Variants in PRR16 observed in about 807,000 individuals in gnomAD.
The protein encoded by PRR16 is proline rich 16, also known as protein Largen.
A neutral mutation model predicts 18.2 loss-of-function variants in PRR16; 6 were observed. The ratio of observed to expected loss-of-function variants is 0.33; its 90% CI spans 0.18 to 0.65. PRR16 has a LOEUF of 0.65. Among genes scored for constraint, PRR16 ranks in the 30% least tolerant of loss-of-function variants. The pLI, the probability that PRR16 is intolerant of heterozygous loss-of-function variation, is 0.74. For missense variants in PRR16, 412 were observed against 376.6 expected, an observed-to-expected ratio of 1.09 and a Z score of -0.78; for synonymous variants, 151 against 147.8, an observed-to-expected ratio of 1.02 and a Z score of -0.16.
chr5:120,773,814 GAA>G, the PRR16 span, among the ~76,000 whole-genome samples: 1 of 151,994 alleles, frequency 6.6e-6, no homozygotes, highest in Non-Finnish European at 1.5e-5. Context: ...GAAGTACAAA[GAA>G]ATATAAATTA....
At chr5:120,495,527 A>C (rs1042414607) in intron 1 of PRR16, among the ~76,000 whole-genome samples, 2 of 152,140 alleles carry the variant, frequency 1.3e-5, no homozygotes, top group African/African-American at 4.8e-5. Context: ...AGTGCTCAGC[A>C]CATGGAAAAT....
intron 1 of PRR16, among the ~76,000 whole-genome samples, chr5:120,465,383 G>C (rs2112791275): frequency 6.6e-6 from 1 of 152,348 alleles, no homozygotes; most frequent in East Asian, 1.9e-4. Context: ...GGACGCGCAG[G>C]AGAGTGTATG....
At chr5:120,520,573 C>T (rs539939950) in intron 1 of PRR16, among the ~76,000 whole-genome samples, 4 of 152,160 alleles carry the variant, frequency 2.6e-5, no homozygotes, top group African/African-American at 7.2e-5. Flanking sequence ...ATGATGGTTC[C>T]GTATTTTAAC....
chr5:120,498,828 A>G (rs1310283852), intron 1 of PRR16, among the ~76,000 whole-genome samples: 1 of 152,028 alleles, frequency 6.6e-6, no homozygotes, highest in African/African-American at 2.4e-5. Context: ...TTCTCTTAGC[A>G]TTTAAAAATG....
intron 1 of PRR16, among the ~76,000 whole-genome samples, chr5:120,615,833 G>T (rs1407847009): frequency 6.6e-6 from 1 of 152,000 alleles, no homozygotes; most frequent in Admixed American, 6.6e-5. Flanking sequence ...TCATTGTCAC[G>T]TTCCCAGTAA....
At chr5:120,601,103 T>G (rs1753967880) in intron 1 of PRR16, among the ~76,000 whole-genome samples, 1 of 151,990 alleles carries the variant, frequency 6.6e-6, no homozygotes, top group Non-Finnish European at 1.5e-5. Context: ...ATGGGATTGC[T>G]GGGTCAAAAT....
chr5:120,583,155 C>G (rs75322892), intron 1 of PRR16, among the ~76,000 whole-genome samples: 8,492 of 152,268 alleles, frequency 0.056, 311 homozygotes, highest in South Asian at 0.081. Flanking sequence ...TCATTTTGTC[C>G]TTTACACACT....
At chr5:120,766,535 G>A in the PRR16 span, among the ~76,000 whole-genome samples, 26 of 151,702 alleles carry the variant, frequency 1.7e-4, 1 homozygote, top group Non-Finnish European at 2.9e-5. Context: ...TGTGGGTTAT[G>A]TTTTCATTAT....
chr5:120,488,564 G>T (rs575765211), intron 1 of PRR16, among the ~76,000 whole-genome samples: 1 of 151,888 alleles, frequency 6.6e-6, no homozygotes, highest in Non-Finnish European at 1.5e-5. Flanking sequence ...CCTTGCTAGC[G>T]GTCTATCAAT....
At chr5:120,652,626 A>G (rs2150132633) in intron 1 of PRR16, among the ~76,000 whole-genome samples, 1 of 152,146 alleles carries the variant, frequency 6.6e-6, no homozygotes, top group African/African-American at 2.4e-5. Context: ...ATGACATTCA[A>G]CAAAATGCCT....
At chr5:120,576,143 C>G (rs1373073487) in intron 1 of PRR16, among the ~76,000 whole-genome samples, 3 of 152,052 alleles carry the variant, frequency 2.0e-5, no homozygotes, top group Non-Finnish European at 2.9e-5. Flanking sequence ...ACCTCAAAAG[C>G]ACAGGCAACA....
the PRR16 span, among the ~76,000 whole-genome samples, chr5:120,770,349 T>C: frequency 1.3e-5 from 2 of 151,950 alleles, no homozygotes; most frequent in Non-Finnish European, 2.9e-5. Flanking sequence ...ACAAATGGCG[T>C]TGGGAAAACT....
At chr5:120,611,945 G>C (rs986251225) in intron 1 of PRR16, among the ~76,000 whole-genome samples, 3 of 152,126 alleles carry the variant, frequency 2.0e-5, no homozygotes, top group African/African-American at 7.2e-5. Flanking sequence ...CAAGAGGGAG[G>C]CTGTACCCTG....
At chr5:120,749,479 C>T in the PRR16 span, among the ~76,000 whole-genome samples, 3 of 152,030 alleles carry the variant, frequency 2.0e-5, no homozygotes, top group Non-Finnish European at 4.4e-5. Flanking sequence ...AAATGTAAGT[C>T]TTTTAATATT....
chr5:120,651,858 C>G (rs1004835901), intron 1 of PRR16, among the ~76,000 whole-genome samples: 1 of 151,926 alleles, frequency 6.6e-6, no homozygotes, highest in East Asian at 1.9e-4. Flanking sequence ...TTTTCCAATT[C>G]TGTGAAGAAA....
the PRR16 span, among the ~76,000 whole-genome samples, chr5:120,735,532 C>G: frequency 6.6e-6 from 1 of 152,006 alleles, no homozygotes; most frequent in Non-Finnish European, 1.5e-5. Context: ...TAAGTGAGAG[C>G]TTATGTGGTT....
chr5:120,600,509 A>G (rs556315632), intron 1 of PRR16, among the ~76,000 whole-genome samples: 68 of 152,066 alleles, frequency 4.5e-4, no homozygotes, highest in African/African-American at 1.6e-3. Flanking sequence ...TAGCAGGGCT[A>G]AGACTAATGT....
At chr5:120,477,837 A>G (rs1378094351) in intron 1 of PRR16, among the ~76,000 whole-genome samples, 1 of 152,134 alleles carries the variant, frequency 6.6e-6, no homozygotes, top group Non-Finnish European at 1.5e-5. Context: ...CAAAGGCGCT[A>G]TGTACATTTT....
the PRR16 span, among the ~76,000 whole-genome samples, chr5:120,693,610 T>A: frequency 6.6e-6 from 1 of 152,242 alleles, no homozygotes; most frequent in Non-Finnish European, 1.5e-5. Flanking sequence ...CAAACTTTTT[T>A]ATAATATCTT....
Sources: gnomAD v4.1 joint callset for allele counts (sites outside exome capture counted in the v4.1 genomes callset) on GRCh38, gnomAD v4.1.1 for gene constraint, MANE v1.5 for transcripts, NCBI Gene and HGNC (gene_info 2026-07-23, HGNC 2026-07-21) for gene names.